The following FBXL2 variants were observed in gnomAD, a reference collection of about 807,000 sequenced individuals.
FBXL2 encodes F-box and leucine rich repeat protein 2, also known as F-box/LRR-repeat protein 2.
In FBXL2, 38 loss-of-function variants were observed where a neutral mutation model predicts 69.2. The observed-to-expected ratio is 0.55, with a 90% confidence interval of 0.42 to 0.72. FBXL2 has a LOEUF of 0.72. Ranked by LOEUF, FBXL2 falls within the 30% of genes least tolerant of loss-of-function variation. The pLI, the probability that FBXL2 is intolerant of heterozygous loss-of-function variation, is 0.00. For missense variants in FBXL2, 354 were observed against 520.3 expected, an observed-to-expected ratio of 0.68 and a Z score of 3.11; for synonymous variants, 192 against 201.3, an observed-to-expected ratio of 0.95 and a Z score of 0.39.
chr3:33,414,968 ACGT>A, the FBXL2 span, among the ~76,000 whole-genome samples: 17 of 139,344 alleles, frequency 1.2e-4, no homozygotes, highest in Non-Finnish European at 2.0e-4. Flanking sequence ...GTAGTTCATT[ACGT>A]CATAATGAGG....
At position 33,373,641 on chromosome 3, in the gene FBXL2, C is replaced by T; in HGVS notation, c.519C>T (p.Gly173=). Residue 173 remains glycine (G), a synonymous_variant, in exon 8 of 15, where the codon GGC becomes GGT. Transcript: ENST00000484457. ...LSWCDQITKD[G]IEALVRGCRG... ...GGTGTGATCAGATCACGAAGGATGG[C>T]ATCGAGGCACTGGTGCGAGGTTGTC... 1 of 1,614,180 alleles carries T rather than the reference C, an allele frequency of 6.2e-7. No individual in the cohort carries two copies. The highest frequency in any genetic ancestry group is 8.5e-7 in the Non-Finnish European group (1 of 1,180,030).
Position 33,370,878 on chromosome 3 carries a change from A to G in FBXL2, c.291-2214A>G, listed in dbSNP as rs145930010. On this transcript the variant is annotated intron_variant, in intron 5 of 14. Coordinates refer to ENST00000484457, the MANE Select transcript of FBXL2 (RefSeq NM_012157.5). ...GTGGTTCTTTGAGTTCCTTGGGTCT[A>G]TGGGTTTATTGTTTTCATAAAGTTT... Among the ~76,000 whole-genome samples, 5 of 152,170 alleles carry G rather than the reference A, an allele frequency of 3.3e-5. No individual in the cohort carries two copies. The East Asian group carries it at 5.8e-4, about 18-fold the overall frequency.
chr3:33,396,597 A>G (rs754851590), intron 12 of FBXL2: 2 of 405,318 alleles, frequency 4.9e-6, no homozygotes, highest in Non-Finnish European at 9.3e-6. Flanking sequence ...TCACACCACA[A>G]GTATAGAAAG....
chr3:33,414,717 C>T, the FBXL2 span, among the ~76,000 whole-genome samples: 23 of 152,318 alleles, frequency 1.5e-4, no homozygotes, highest in Admixed American at 9.8e-4. Context: ...TAATCCCAGA[C>T]AAGCTTACAG....
chr3:33,351,271 A>C (rs541580463), intron 2 of FBXL2, among the ~76,000 whole-genome samples: 1 of 152,326 alleles, frequency 6.6e-6, no homozygotes, highest in Admixed American at 6.5e-5. Flanking sequence ...TCTCAAAAAA[A>C]TAAAATAAAT....
chr3:33,286,979 C>T (rs922734895), intron 1 of FBXL2, among the ~76,000 whole-genome samples: 36 of 152,318 alleles, frequency 2.4e-4, no homozygotes, highest in Middle Eastern at 3.4e-3. Flanking sequence ...CGACCCCTTG[C>T]GCTTTCCAGG....
Position 33,282,404 on chromosome 3 carries a change from A to T in FBXL2, c.3+4889A>T, listed in dbSNP as rs560921909. Among the ~76,000 whole-genome samples, 60 of 152,214 alleles carry T rather than the reference A, an allele frequency of 3.9e-4. No homozygotes were observed. In the South Asian group the frequency reaches 0.012, roughly 31 times the overall value. Reference sequence around the variant, plus strand: ...GGGCTCTGTTCTGTTCCATTGGTGTATATATCTGTTTTGGTACCAGTACCA... The same window carrying T: ...GGGCTCTGTTCTGTTCCATTGGTGTTTATATCTGTTTTGGTACCAGTACCA... On this transcript the variant is annotated intron_variant, in intron 1 of 14. Coordinates refer to ENST00000484457, the MANE Select transcript of FBXL2 (RefSeq NM_012157.5).
intron 2 of FBXL2, among the ~76,000 whole-genome samples, chr3:33,353,399 A>T (rs1458217758): frequency 1.3e-5 from 2 of 152,266 alleles, no homozygotes; most frequent in Non-Finnish European, 2.9e-5. Context: ...CAATAGGCGA[A>T]TGGATAAACA....
chr3:33,359,256 C>A, intron 3 of FBXL2, 27 bp from the exon 4 acceptor site: 1 of 1,586,742 alleles, frequency 6.3e-7, no homozygotes, highest in Non-Finnish European at 8.6e-7. Context: ...CATCCCAATC[C>A]CTCTTCCTTT....
intron 1 of FBXL2, among the ~76,000 whole-genome samples, chr3:33,291,174 C>G (rs1193725819): frequency 6.6e-6 from 1 of 152,144 alleles, no homozygotes; most frequent in African/African-American, 2.4e-5. Flanking sequence ...AAGTGATCCT[C>G]CTGACTTACC....
At chr3:33,343,351 AT>A (rs2040208281) in intron 2 of FBXL2, among the ~76,000 whole-genome samples, 2 of 152,036 alleles carry the variant, frequency 1.3e-5, no homozygotes, top group South Asian at 4.1e-4. Context: ...CTTAAGTATT[AT>A]TTTTATAGAT....
chr3:33,343,508 T>G (rs1412571481), intron 2 of FBXL2, among the ~76,000 whole-genome samples: 5 of 152,094 alleles, frequency 3.3e-5, no homozygotes, highest in African/African-American at 1.2e-4. Flanking sequence ...GTAAAAACCT[T>G]AATTATAACA....
At chr3:33,366,618 C>G (rs2041965265) in intron 5 of FBXL2, among the ~76,000 whole-genome samples, 1 of 152,136 alleles carries the variant, frequency 6.6e-6, no homozygotes. Context: ...GAGCTATGAT[C>G]ACACCACCAT....
intron 13 of FBXL2, among the ~76,000 whole-genome samples, chr3:33,380,466 G>A (rs812713): frequency 6.6e-6 from 1 of 151,310 alleles, no homozygotes; most frequent in South Asian, 2.1e-4. Context: ...GCTGAGGCAG[G>A]AGAATTGCTT....
chr3:33,304,084 A>T (rs920620706), intron 2 of FBXL2, among the ~76,000 whole-genome samples: 8 of 152,048 alleles, frequency 5.3e-5, no homozygotes. Context: ...ATTTACTAAC[A>T]TATATTTGCA....
chr3:33,337,765 A>T (rs1482746135), intron 2 of FBXL2, among the ~76,000 whole-genome samples: 1 of 152,212 alleles, frequency 6.6e-6, no homozygotes, highest in Non-Finnish European at 1.5e-5. Context: ...ACTTCAGCGA[A>T]GTTTCAGGAT....
At chr3:33,364,233 T>A (rs1435075464) in intron 4 of FBXL2, 1 of 183,908 alleles carries the variant, frequency 5.4e-6, no homozygotes, top group African/African-American at 2.4e-5. Flanking sequence ...TAAAGCAGCA[T>A]TGTCTTAGAT....
At chr3:33,395,703 C>T (rs767765181) in intron 12 of FBXL2, among the ~76,000 whole-genome samples, 13 of 116,696 alleles carry the variant, frequency 1.1e-4, no homozygotes, top group African/African-American at 2.7e-4. Context: ...CACTGTTGCA[C>T]ATATGTTATG....
downstream of FBXL2, chr3:33,389,627 A>C (rs1355942009): frequency 2.0e-5 from 3 of 152,264 alleles, no homozygotes; most frequent in Non-Finnish European, 2.9e-5. Flanking sequence ...TTTTTCAATA[A>C]ATCTGTGACA....
Sources: gnomAD v4.1 joint callset for allele counts (sites outside exome capture counted in the v4.1 genomes callset) on GRCh38, gnomAD v4.1.1 for gene constraint, MANE v1.5 for transcripts, NCBI Gene and HGNC (gene_info 2026-07-23, HGNC 2026-07-21) for gene names.